ANO6: variants seen among roughly 807,000 people sequenced by gnomAD.
ANO6 encodes anoctamin 6.
A neutral mutation model predicts 117.5 loss-of-function variants in ANO6; 106 were observed. The observed-to-expected ratio is 0.90, with a 90% CI of 0.77 to 1.06. The LOEUF (loss-of-function observed/expected upper bound fraction) is 1.06. Among genes scored for constraint, ANO6 ranks in the 50% least tolerant of loss-of-function variants. The pLI, the probability that ANO6 is intolerant of heterozygous loss-of-function variation, is 0.00. For missense variants in ANO6, 955 were observed against 1,121.1 expected, an observed-to-expected ratio of 0.85 and a Z score of 2.12; for synonymous variants, 367 against 385.1, an observed-to-expected ratio of 0.95 and a Z score of 0.55.
At chr12:45,388,120 A>G (rs769302640) in intron 10 of ANO6, 41 bp from the exon 11 acceptor site, 11 of 1,612,026 alleles carry the variant, frequency 6.8e-6, no homozygotes, top group Middle Eastern at 1.7e-4. Flanking sequence ...AACATCAGTC[A>G]TCATTGAAAA....
chr12:45,390,605 G>A (rs1274449636), intron 12 of ANO6, 107 bp downstream of exon 12: 29 of 1,009,922 alleles, frequency 2.9e-5, no homozygotes, highest in South Asian at 1.3e-5. Flanking sequence ...TGCTGAGCCT[G>A]GAAACTATAT....
At chr12:45,427,970 C>T (rs1242784529) in intron 19 of ANO6, among the ~76,000 whole-genome samples, 2 of 146,768 alleles carry the variant, frequency 1.4e-5, no homozygotes, top group African/African-American at 5.1e-5. Context: ...TTTGATGATA[C>T]GAAGATGTAG....
intron 2 of ANO6, among the ~76,000 whole-genome samples, chr12:45,328,310 A>G (rs1940541364): frequency 6.6e-6 from 1 of 152,042 alleles, no homozygotes; most frequent in Admixed American, 6.6e-5. Flanking sequence ...CAGCTTCCAC[A>G]ATACTTGTCT....
At position 45,347,423 on chromosome 12, in the gene ANO6, G is replaced by A. The variant is rs1592995839; in HGVS notation, c.345+336G>A. The A allele has an allele frequency of 1.7e-5, 5 of 288,820 alleles. No individual in the cohort carries two copies. The East Asian group carries it at 2.6e-4, about 15-fold the overall frequency. The allele number at this position is 288,820 out of a possible 1,614,324, so 17.9% of individuals were successfully genotyped here. ...AACATAAGAATAAGGAAAATAATCT[G>A]TATCTTAATTATCCATAAATAATTT... On this transcript the variant is annotated intron_variant, in intron 4 of 19. Transcript: ENST00000320560.
At chr12:45,405,584 T>C (rs576428485) in intron 15 of ANO6, among the ~76,000 whole-genome samples, 1 of 152,314 alleles carries the variant, frequency 6.6e-6, no homozygotes, top group African/African-American at 2.4e-5. Flanking sequence ...GTGCCAGTTT[T>C]CTTAACTTTT....
At chr12:45,291,642 C>T (rs1939104459) in intron 1 of ANO6, among the ~76,000 whole-genome samples, 1 of 152,074 alleles carries the variant, frequency 6.6e-6, no homozygotes, top group Non-Finnish European at 1.5e-5. Flanking sequence ...AGGCAAAGGA[C>T]TTGAGCATTT....
At chr12:45,228,778 A>G (rs1947528518) in intron 1 of ANO6, among the ~76,000 whole-genome samples, 1 of 152,184 alleles carries the variant, frequency 6.6e-6, no homozygotes, top group Non-Finnish European at 1.5e-5. Flanking sequence ...TGACCTCTTC[A>G]TCCTTCCCAC....
chr12:45,359,929 C>T (rs1565718012), intron 8 of ANO6, among the ~76,000 whole-genome samples: 1 of 152,172 alleles, frequency 6.6e-6, no homozygotes, highest in Non-Finnish European at 1.5e-5. Context: ...TCTTCACATC[C>T]TCATCAGCAC....
intron 1 of ANO6, among the ~76,000 whole-genome samples, chr12:45,220,431 C>T (rs1359770163): frequency 6.7e-6 from 1 of 149,094 alleles, no homozygotes; most frequent in East Asian, 1.9e-4. Flanking sequence ...ACACCCACCT[C>T]TCTTTCCTTA....
intron 1 of ANO6, chr12:45,292,793 T>A: frequency 6.7e-7 from 1 of 1,484,556 alleles, no homozygotes; most frequent in South Asian, 1.4e-5. Flanking sequence ...CTGAAACTCT[T>A]CTCAGAAATA....
chr12:45,409,433 T>C lies in ANO6; in HGVS notation c.1957T>C (p.Tyr653His). ...GATAACCCCACGATGGGAACAGGAC[T>C]ACCATCTGCAGCCTATGGGCAAACT... ...EKITPRWEQDYHLQPMGKLGL... is the reference protein window; with the variant it reads ...EKITPRWEQDHHLQPMGKLGL... Residue 653 changes from tyrosine (Y) to histidine (H), a missense_variant, in exon 16 of 20, where the codon TAC becomes CAC. Physicochemically the swap from Tyr to His is moderately conservative, Grantham distance 83 (BLOSUM62 2). Coordinates refer to ENST00000320560, the MANE Select transcript of ANO6 (RefSeq NM_001025356.3). The C allele has an allele frequency of 6.2e-7, 1 of 1,614,086 alleles. No homozygotes were observed. Among genetic ancestry groups the C allele is most frequent in the Non-Finnish European group, 8.5e-7 (1 of 1,179,944 alleles).
chr12:45,376,041 G>C (rs1374780016), intron 9 of ANO6, among the ~76,000 whole-genome samples: 1 of 150,828 alleles, frequency 6.6e-6, no homozygotes, highest in African/African-American at 2.4e-5. Context: ...AGTGGGTGAA[G>C]GATATGAACA....
intron 3 of ANO6, among the ~76,000 whole-genome samples, chr12:45,341,135 C>T (rs1940968935): frequency 6.6e-6 from 1 of 152,098 alleles, no homozygotes; most frequent in African/African-American, 2.4e-5. Context: ...CATTATAAAC[C>T]AACTCCAAGG....
chr12:45,390,579 T>A (rs1211500867), intron 12 of ANO6, 81 bp downstream of exon 12: 1 of 1,236,066 alleles, frequency 8.1e-7, no homozygotes, highest in Non-Finnish European at 1.2e-6. Context: ...TAATTTTAAA[T>A]GTTGAGGAAA....
intron 3 of ANO6, among the ~76,000 whole-genome samples, chr12:45,336,431 A>G (rs181449252): frequency 6.6e-6 from 1 of 152,166 alleles, no homozygotes; most frequent in East Asian, 1.9e-4. Flanking sequence ...TAAATTATTT[A>G]TGTATGGTCA....
intron 1 of ANO6, among the ~76,000 whole-genome samples, chr12:45,280,868 T>TTATA (rs780850139): frequency 0.1 from 15,206 of 145,366 alleles, 801 homozygotes; most frequent in Non-Finnish European, 0.12. Flanking sequence ...ATATGTGTTT[T>TTATA]TATATATATA....
At chr12:45,392,454 C>T (rs1421895119) in intron 12 of ANO6, among the ~76,000 whole-genome samples, 1 of 152,228 alleles carries the variant, frequency 6.6e-6, no homozygotes, top group Non-Finnish European at 1.5e-5. Context: ...GAAACTTCTG[C>T]AGACTTAAAT....
At chr12:45,292,747 A>G (rs1372717534) in intron 1 of ANO6, 2 of 1,420,102 alleles carry the variant, frequency 1.4e-6, no homozygotes, top group African/African-American at 2.9e-5. Flanking sequence ...ACAACACCAA[A>G]CATGGAAATG....
At chr12:45,344,887 G>C (rs1350234209) in intron 3 of ANO6, among the ~76,000 whole-genome samples, 1 of 152,126 alleles carries the variant, frequency 6.6e-6, no homozygotes, top group Non-Finnish European at 1.5e-5. Flanking sequence ...GGTGGGTCAG[G>C]GGTGGAAAGT....
Sources: allele counts gnomAD v4.1 joint callset (sites outside exome capture counted in the v4.1 genomes callset), GRCh38; gene constraint gnomAD v4.1.1; transcripts MANE v1.5; gene names NCBI Gene and HGNC (gene_info 2026-07-23, HGNC 2026-07-21).